SLC24A3: variants seen among roughly 807,000 people sequenced by gnomAD.
SLC24A3 encodes sodium/potassium/calcium exchanger 3.
A neutral mutation model predicts 75.8 loss-of-function variants in SLC24A3; 28 were observed. The observed-to-expected ratio is 0.37, with a 90% CI of 0.27 to 0.51. SLC24A3 has a LOEUF of 0.51. Ranked by LOEUF, SLC24A3 falls within the 20% of genes least tolerant of loss-of-function variation. The pLI, the probability that SLC24A3 is intolerant of heterozygous loss-of-function variation, is 0.94. For synonymous variants in SLC24A3, 372 were observed against 334.1 expected, an observed-to-expected ratio of 1.11 and a Z score of -1.24; for missense variants, 663 against 847.8, an observed-to-expected ratio of 0.78 and a Z score of 2.71.
At chr20:19,499,694 A>G (rs1449445136) in intron 2 of SLC24A3, among the ~76,000 whole-genome samples, 1 of 152,168 alleles carries the variant, frequency 6.6e-6, no homozygotes, top group East Asian at 1.9e-4. Context: ...CAACATATGA[A>G]TTTGGGGAGT....
chr20:19,256,128 AT>A (rs777160513), intron 1 of SLC24A3, among the ~76,000 whole-genome samples: 8 of 151,210 alleles, frequency 5.3e-5, no homozygotes, highest in East Asian at 3.9e-4. Flanking sequence ...AATAATAGTA[AT>A]TTTTTATCTA....
At chr20:19,514,544 T>C (rs1181078557) in intron 2 of SLC24A3, among the ~76,000 whole-genome samples, 1 of 152,048 alleles carries the variant, frequency 6.6e-6, no homozygotes, top group Non-Finnish European at 1.5e-5. Context: ...GTGGGGGTGG[T>C]GTGTGCTGCT....
intron 15 of SLC24A3, among the ~76,000 whole-genome samples, chr20:19,701,685 C>T (rs905736571): frequency 6.6e-6 from 1 of 152,174 alleles, no homozygotes; most frequent in Non-Finnish European, 1.5e-5. Flanking sequence ...CTGGTTTACT[C>T]CTCAGCTTGT....
chr20:19,346,184 GTGTA>G (rs1568595746), intron 2 of SLC24A3, among the ~76,000 whole-genome samples: 7 of 88,950 alleles, frequency 7.9e-5, no homozygotes, highest in Admixed American at 2.9e-4. Flanking sequence ...TATATATATG[GTGTA>G]TATATATATA....
intron 15 of SLC24A3, among the ~76,000 whole-genome samples, chr20:19,700,728 C>T (rs73285763): frequency 0.14 from 20,766 of 152,174 alleles, 1,684 homozygotes; most frequent in African/African-American, 0.22. Context: ...TTATATCAAA[C>T]GTTTTTTCCT....
At chr20:19,678,968 C>T (rs1177163046) in intron 9 of SLC24A3, among the ~76,000 whole-genome samples, 2 of 151,744 alleles carry the variant, frequency 1.3e-5, no homozygotes, top group Non-Finnish European at 2.9e-5. Context: ...AGACGCTCCT[C>T]ACTTCCTAGA....
intron 2 of SLC24A3, among the ~76,000 whole-genome samples, chr20:19,391,924 G>A (rs1986373312): frequency 1.3e-5 from 2 of 152,196 alleles, no homozygotes; most frequent in African/African-American, 4.8e-5. Context: ...CAGGCAGGTA[G>A]CAAGCAGTGT....
At chr20:19,276,692 GCCAGGAGTTTGAGA>G (rs1285137398) in intron 1 of SLC24A3, among the ~76,000 whole-genome samples, 13 of 152,106 alleles carry the variant, frequency 8.5e-5, no homozygotes, top group African/African-American at 1.2e-4. Context: ...ATCACTTGAG[GCCAGGAGTTTGAGA>G]CCAGCCTGGG....
rs542863415 is a variant in SLC24A3, at chr20:19,614,601, G to A, written c.612+29057G>A. ...ATTCTGGGCCACAAAGATGGACTGT[G>A]GGCACTGGAAGAGCAAGTGCCATTG... On this transcript the variant is annotated intron_variant, in intron 6 of 16. Transcript: ENST00000328041. Among the ~76,000 whole-genome samples, 5 of 152,346 alleles carry A rather than the reference G, an allele frequency of 3.3e-5. 1 individual carries two copies. Among genetic ancestry groups the A allele is most frequent in the African/African-American group, 1.2e-4 (5 of 41,582 alleles).
intron 2 of SLC24A3, among the ~76,000 whole-genome samples, chr20:19,438,976 G>A (rs1987255028): frequency 6.6e-6 from 1 of 152,250 alleles, no homozygotes; most frequent in African/African-American, 2.4e-5. Context: ...CAAGCGCATG[G>A]TGAGACAAGT....
rs571803453 is a variant in SLC24A3, at chr20:19,577,711, T to TA, written c.349-2282dup. 1.4e-4 allele frequency among the ~76,000 whole-genome samples: 21 copies of TA among 152,300 alleles called. No homozygotes were observed. The East Asian group carries it at 3.3e-3, about 24-fold the overall frequency. On this transcript the variant is annotated intron_variant, in intron 3 of 16. Transcript: ENST00000328041. Reference sequence around the variant, plus strand: ...ATACACATATACATAGATTATTTAATAAAAAAAGACATTGTAATGCTGTTT... The same window carrying TA: ...ATACACATATACATAGATTATTTAATAAAAAAAAGACATTGTAATGCTGTTT...
intron 2 of SLC24A3, among the ~76,000 whole-genome samples, chr20:19,464,547 C>T (rs373682105): frequency 5.1e-4 from 77 of 152,338 alleles, no homozygotes; most frequent in Non-Finnish European, 6.8e-4. Flanking sequence ...GATCACCAAA[C>T]GGTGAACTCT....
At chr20:19,451,957 G>A (rs559545991) in intron 2 of SLC24A3, among the ~76,000 whole-genome samples, 3 of 152,252 alleles carry the variant, frequency 2.0e-5, no homozygotes, top group Admixed American at 1.3e-4. Context: ...TCCCCATCCC[G>A]TTTGCTTTCC....
intron 2 of SLC24A3, among the ~76,000 whole-genome samples, chr20:19,473,468 G>A (rs891233943): frequency 7.9e-5 from 12 of 152,342 alleles, no homozygotes; most frequent in South Asian, 6.2e-4. Context: ...CAGCAATGGC[G>A]GGTAACCCGC....
intron 13 of SLC24A3, 170 bp downstream of exon 13, chr20:19,693,595 C>A: frequency 1.3e-6 from 1 of 769,452 alleles, no homozygotes; most frequent in Non-Finnish European, 2.0e-6. Flanking sequence ...ATCGATTCTC[C>A]TGCTCACACG....
At chr20:19,310,514 T>C (rs1984434064) in intron 2 of SLC24A3, among the ~76,000 whole-genome samples, 2 of 152,198 alleles carry the variant, frequency 1.3e-5, no homozygotes, top group Non-Finnish European at 2.9e-5. Flanking sequence ...AGGAATTCCA[T>C]GAGGACTGTC....
chr20:19,370,949 A>G (rs890785392), intron 2 of SLC24A3, among the ~76,000 whole-genome samples: 7 of 152,068 alleles, frequency 4.6e-5, no homozygotes, highest in African/African-American at 1.7e-4. Flanking sequence ...TCCTCATTGG[A>G]AGATGATGAA....
At chr20:19,599,412 C>T (rs1044897808) in intron 6 of SLC24A3, among the ~76,000 whole-genome samples, 1 of 151,532 alleles carries the variant, frequency 6.6e-6, no homozygotes, top group Admixed American at 6.6e-5. Context: ...GTGTGTGATG[C>T]GGTCCCTCCC....
rs58733661 is a variant in SLC24A3 at position 19,371,812 on chromosome 20, C to T, written c.271+90725C>T. 3.0e-3 allele frequency among the ~76,000 whole-genome samples: 459 copies of T among 152,226 alleles called. 4 individuals are homozygous for T. The highest frequency in any genetic ancestry group is 0.01 in the African/African-American group (431 of 41,542). ...GCGTACAGGTCTATTCAAACCTACC[C>T]CAGAGTCTGAGGAAGCTGATAAGCT... On this transcript the variant is annotated intron_variant, in intron 2 of 16. Transcript: ENST00000328041.
Sources: allele counts gnomAD v4.1 joint callset (sites outside exome capture counted in the v4.1 genomes callset), GRCh38; gene constraint gnomAD v4.1.1; transcripts MANE v1.5; gene names NCBI Gene and HGNC (gene_info 2026-07-23, HGNC 2026-07-21).